The following PLXDC1 variants were observed in gnomAD, a reference collection of about 807,000 sequenced individuals.
The protein encoded by PLXDC1 is plexin domain-containing protein 1.
PLXDC1 carries 39 observed loss-of-function variants against 61.3 expected under a neutral mutation model. The observed-to-expected ratio is 0.64, with a 90% CI of 0.49 to 0.83. The LOEUF is 0.83. Among genes scored for constraint, PLXDC1 ranks in the 40% least tolerant of loss-of-function variants. The pLI is 0.00. For missense variants in PLXDC1, 596 were observed against 666.5 expected (o/e 0.89, Z 1.17); for synonymous variants, 212 against 254.5 (o/e 0.83, Z 1.59).
chr17:39,090,198 C>G (rs4077061), intron 7 of PLXDC1, among the ~76,000 whole-genome samples: 51,071 of 152,096 alleles, frequency 0.34, 9,654 homozygotes, highest in Admixed American at 0.46. Context: ...ATGCTCTCTT[C>G]CCAACACAAT....
chr17:39,148,055 G>A (rs996562068), intron 1 of PLXDC1, among the ~76,000 whole-genome samples: 8 of 152,084 alleles, frequency 5.3e-5, no homozygotes, highest in East Asian at 1.9e-4. Context: ...GTTATCTGTC[G>A]ATCGGAGGGG....
chr17:39,073,790 A>G lies in PLXDC1; in HGVS notation c.1187-1305T>C, dbSNP rs142427579. On this transcript the variant is annotated intron_variant, in intron 11 of 13. Transcript: ENST00000315392. ...ATCAAGGTGTTCTGTTCTGTTGCTT[A>G]TAAGATAAGCCCTTCTGCACACAGT... Among the ~76,000 whole-genome samples the G allele has an allele frequency of 2.4e-3, 368 of 152,362 alleles. 1 individual carries two copies. The highest frequency in any genetic ancestry group is 8.1e-3 in the African/African-American group (337 of 41,582).
intron 2 of PLXDC1, among the ~76,000 whole-genome samples, chr17:39,124,290 C>T (rs981460083): frequency 1.1e-4 from 16 of 152,218 alleles, no homozygotes; most frequent in Admixed American, 7.9e-4. Flanking sequence ...CCTGAAGAGA[C>T]GGTGGGTAAG....
At position 39,124,035 on chromosome 17, in the gene PLXDC1, A is replaced by G. The variant is rs374873048; in HGVS notation, c.256-14644T>C. On this transcript the variant is annotated intron_variant, in intron 2 of 13. Transcript: ENST00000315392. ...TGCCCTTCGATCGCAGGGCACATAT[A>G]CCAGGAAGCCTTACAAGGCCAACAG... Among the ~76,000 whole-genome samples the G allele has an allele frequency of 2.9e-4, 44 of 152,106 alleles. 1 individual carries two copies. The highest frequency in any genetic ancestry group is 1.9e-3 in the East Asian group (10 of 5,168).
chr17:39,101,833 C>G (rs116342719), intron 7 of PLXDC1, among the ~76,000 whole-genome samples: 2 of 152,126 alleles, frequency 1.3e-5, no homozygotes, highest in African/African-American at 4.8e-5. Flanking sequence ...CCATCTCCCT[C>G]GATATCATGC....
At chr17:39,126,638 C>T (rs954315183) in intron 2 of PLXDC1, among the ~76,000 whole-genome samples, 1 of 152,108 alleles carries the variant, frequency 6.6e-6, no homozygotes. Context: ...GGGAACAAGG[C>T]GGGAACTGAC....
chr17:39,123,213 G>A (rs1193518581), intron 2 of PLXDC1, among the ~76,000 whole-genome samples: 2 of 152,058 alleles, frequency 1.3e-5, no homozygotes, highest in African/African-American at 2.4e-5. Flanking sequence ...TTTTTGAGAC[G>A]GAGTTTCACT....
intron 1 of PLXDC1, among the ~76,000 whole-genome samples, 180 bp from the exon 2 acceptor site, chr17:39,140,012 A>G (rs73983223): frequency 1.5e-3 from 233 of 152,314 alleles, no homozygotes; most frequent in African/African-American, 5.5e-3. Context: ...GCCCAGCTCC[A>G]GGCCAAGCAC....
chr17:39,147,350 A>T (rs1464927442), intron 1 of PLXDC1, among the ~76,000 whole-genome samples: 1 of 152,104 alleles, frequency 6.6e-6, no homozygotes, highest in Non-Finnish European at 1.5e-5. Flanking sequence ...CCCCACCCCA[A>T]ACCCCATAAA....
intron 1 of PLXDC1, 38 bp from the exon 2 acceptor site, chr17:39,139,870 C>T (rs769016442): frequency 4.5e-6 from 7 of 1,557,550 alleles, no homozygotes; most frequent in Non-Finnish European, 6.1e-6. Context: ...GCCAGCAGTC[C>T]GGAATGAAGA....
At chr17:39,129,635 AAGAAAG>A (rs1400342016) in intron 2 of PLXDC1, among the ~76,000 whole-genome samples, 2 of 91,914 alleles carry the variant, frequency 2.2e-5, no homozygotes, top group African/African-American at 9.3e-5. Context: ...AAAGAAAAGA[AAGAAAG>A]AGAGAGAGAG....
upstream of PLXDC1, chr17:39,152,767 G>T: frequency 1.5e-5 from 12 of 796,260 alleles, no homozygotes; most frequent in Non-Finnish European, 2.0e-5. Flanking sequence ...GTGGCACTGA[G>T]GTTAAAAAAA....
chr17:39,065,674 C>G lies in PLXDC1; in HGVS notation c.*2166G>C, dbSNP rs997133217. The G allele has an allele frequency of 6.6e-6, 1 of 152,174 alleles. No homozygotes were observed. The highest frequency in any genetic ancestry group is 6.5e-5 in the Admixed American group (1 of 15,276). 9.4% of individuals were successfully genotyped at this position (152,174 alleles called of 1,614,324 possible). On this transcript the variant is annotated 3_prime_UTR_variant, in exon 14 of 14. Coordinates refer to ENST00000315392, the MANE Select transcript of PLXDC1 (RefSeq NM_020405.5). ...TACAGGCACGAGCCATCAGGCTTGG[C>G]CAAATAAGCGTTTATTGGACAGATC...
intron 2 of PLXDC1, among the ~76,000 whole-genome samples, chr17:39,136,330 A>G (rs1279499815): frequency 6.6e-6 from 1 of 152,264 alleles, no homozygotes; most frequent in African/African-American, 2.4e-5. Flanking sequence ...TCAGGAATCA[A>G]GATAGAGAAT....
At chr17:39,087,375 C>T (rs962472826) in intron 8 of PLXDC1, among the ~76,000 whole-genome samples, 4 of 152,184 alleles carry the variant, frequency 2.6e-5, no homozygotes, top group African/African-American at 9.7e-5. Context: ...CCAGAATGGA[C>T]CCATCAATGT....
intron 2 of PLXDC1, among the ~76,000 whole-genome samples, chr17:39,110,059 C>T (rs1910743659): frequency 6.6e-6 from 1 of 152,176 alleles, no homozygotes; most frequent in South Asian, 2.1e-4. Context: ...ACAAGAATCA[C>T]TTGAACTCGG....
rs897507799 is a variant in PLXDC1, at chr17:39,091,179, G to A, written c.812-3477C>T. Among the ~76,000 whole-genome samples, 3 of 152,206 alleles carry A rather than the reference G, an allele frequency of 2.0e-5. No homozygotes were observed. The South Asian group carries it at 6.2e-4, about 32-fold the overall frequency. ...TGCTTTTGCCACCACTGGAGAATGA[G>A]GTCATGGGAGCAGTGGGGGACGGCA... is the stretch of plus-strand genomic sequence containing the variant. On this transcript the variant is annotated intron_variant, in intron 7 of 13. Transcript: ENST00000315392.
At chr17:39,079,189 G>A in intron 9 of PLXDC1, 25 bp from the exon 10 acceptor site, 3 of 1,601,630 alleles carry the variant, frequency 1.9e-6, no homozygotes. Context: ...AAAGGACAGA[G>A]TTATGATGGG....
At chr17:39,071,268 G>A (rs975421555) in intron 12 of PLXDC1, among the ~76,000 whole-genome samples, 2 of 152,024 alleles carry the variant, frequency 1.3e-5, no homozygotes, top group Middle Eastern at 3.4e-3. Context: ...ACTACCTTGG[G>A]TGGCTATTTG....
Sources: gnomAD v4.1 joint callset for allele counts (sites outside exome capture counted in the v4.1 genomes callset) on GRCh38, gnomAD v4.1.1 for gene constraint, MANE v1.5 for transcripts, NCBI Gene and HGNC (gene_info 2026-07-23, HGNC 2026-07-21) for gene names.